The following SKOR1 variants were observed in gnomAD, a reference collection of about 807,000 sequenced individuals.
The protein encoded by SKOR1 is SKI family transcriptional corepressor 1.
SKOR1 carries 38 observed loss-of-function variants against 72.4 expected under a neutral mutation model. The ratio of observed to expected loss-of-function variants is 0.52; its 90% CI spans 0.40 to 0.69. SKOR1 has a LOEUF of 0.69. Ranked by LOEUF, SKOR1 falls within the 30% of genes least tolerant of loss-of-function variation. The pLI is 0.00. For missense variants in SKOR1, 1,320 were observed against 1,343.2 expected, an observed-to-expected ratio of 0.98 and a Z score of 0.27; for synonymous variants, 642 against 599.4, an observed-to-expected ratio of 1.07 and a Z score of -1.04.
Position 67,829,191 on chromosome 15 carries a change from G to A in SKOR1, c.2329G>A (p.Glu777Lys). The A allele has an allele frequency of 1.7e-5, 26 of 1,566,892 alleles. No homozygotes were observed. Among genetic ancestry groups the A allele is most frequent in the Non-Finnish European group, 2.1e-5 (24 of 1,163,122 alleles). ...GPAPAKVFAP[E>K]RDEHVKSAAV... ...TCGGCCGTCGCAGGTGTTCGCGCCCGAGAGGGATGAGCACGTGAAGAGCGC... is the reference window on the plus strand; with the variant it reads ...TCGGCCGTCGCAGGTGTTCGCGCCCAAGAGGGATGAGCACGTGAAGAGCGC... The change falls in exon 3 of 9, where the codon GAG becomes AAG. Residue 777 changes from glutamate to lysine, a missense_variant. Around this residue, in one of 3 missense-constraint regions of SKOR1, gnomAD observed 1,099 missense variants for 1,025.5 expected, o/e 1.07. Transcript: ENST00000380035.
rs1321059888 is a variant in SKOR1 at position 67,827,106 on chromosome 15, G to A, written c.1278G>A (p.Gly426=). Residue 426 remains glycine (G), a synonymous_variant, in exon 2 of 9, where the codon GGG becomes GGA. Coordinates refer to ENST00000380035, the MANE Select transcript of SKOR1 (RefSeq NM_001365915.1). The part of the protein sequence containing the change: ...AGEPKGGPGT[G]SGGGGAGTGG... ...AGCCAAAGGGCGGTCCTGGCACTGGGAGCGGCGGCGGCGGCGCGGGGACAG... is the reference window on the plus strand; with the variant it reads ...AGCCAAAGGGCGGTCCTGGCACTGGAAGCGGCGGCGGCGGCGCGGGGACAG... The A allele has an allele frequency of 2.8e-6, 4 of 1,434,672 alleles. No homozygotes were observed. Among genetic ancestry groups the A allele is most frequent in the Non-Finnish European group, 2.7e-6 (3 of 1,102,806 alleles). 88.9% of individuals were successfully genotyped at this position (1,434,672 alleles called of 1,614,324 possible).
chr15:67,826,394 G>C lies in SKOR1; in HGVS notation c.566G>C (p.Trp189Ser), dbSNP rs2090958664. ...FAFDVVHECA[W>S]GSRGSFIPAR... ...TTCGATGTGGTGCACGAGTGCGCGT[G>C]GGGCTCGCGTGGTAGCTTCATCCCT... The change falls in exon 2 of 9, where the codon TGG becomes TCG. Residue 189 changes from tryptophan to serine, a missense_variant. This residue lies in a region of SKOR1 where 101 missense variants were observed against 212.8 expected (regional missense o/e 0.47). Transcript: ENST00000380035. 6.2e-7 allele frequency: 1 copy of C among 1,613,804 alleles called. No individual in the cohort carries two copies. The highest frequency in any genetic ancestry group is 1.3e-5 in the African/African-American group (1 of 74,952).
Position 67,826,922 on chromosome 15 carries a change from G to GCGGCGC in SKOR1, c.1100_1105dup (p.Ala367_Gly368dup). 1 of 1,564,122 alleles carries GCGGCGC rather than the reference G, an allele frequency of 6.4e-7. No homozygotes were observed. The highest frequency in any genetic ancestry group is 8.6e-7 in the Non-Finnish European group (1 of 1,162,556). Reference sequence around the variant, plus strand: ...CCGGCGGGCCCAGGAGGGCCCGGTGGCGGCGCCGGCGTACGAAGCTACCCG... The same window carrying GCGGCGC: ...CCGGCGGGCCCAGGAGGGCCCGGTGGCGGCGCCGGCGCCGGCGTACGAAGCTACCCG... On this transcript the variant is annotated inframe_insertion, in exon 2 of 9. Coordinates refer to ENST00000380035, the MANE Select transcript of SKOR1 (RefSeq NM_001365915.1).
Position 67,827,906 on chromosome 15 carries a change from A to G in SKOR1, c.2078A>G (p.Gln693Arg), listed in dbSNP as rs763896036. 6.3e-7 allele frequency: 1 copy of G among 1,597,450 alleles called. No homozygotes were observed. Among genetic ancestry groups the G allele is most frequent in the Admixed American group, 1.7e-5 (1 of 57,768 alleles). ...GCAGGGGGCGGCCCAGACGGTGAAC[A>G]GCCCACTGGACCCCCTTCCGCCACC... ...PSAGGGPDGE[Q>R]PTGPPSATSS... The change falls in exon 2 of 9, where the codon CAG (glutamine) becomes CGG (arginine). Residue 693 changes from glutamine to arginine, a missense_variant. By Grantham distance (43) the Gln-to-Arg change is conservative (BLOSUM62 1). Around this residue, in one of 3 missense-constraint regions of SKOR1, gnomAD observed 1,099 missense variants for 1,025.5 expected, o/e 1.07. Transcript: ENST00000380035.
At position 67,825,527 on chromosome 15, in the gene SKOR1, C is replaced by G; in HGVS notation, c.-76C>G. 1.5e-6 allele frequency: 1 copy of G among 683,216 alleles called. No homozygotes were observed. Among genetic ancestry groups the G allele is most frequent in the Non-Finnish European group, 2.7e-6 (1 of 366,234 alleles). The allele number at this position is 683,216 out of a possible 1,614,324, so 42.3% of individuals were successfully genotyped here. A position where few individuals can be genotyped will look rare whatever the true frequency, so the allele number is the denominator to read the frequency against. On this transcript the variant is annotated 5_prime_UTR_variant, in exon 1 of 9. Coordinates refer to ENST00000380035, the MANE Select transcript of SKOR1 (RefSeq NM_001365915.1). The surrounding 1 kb of genome is among the most constrained non-coding windows in gnomAD (Gnocchi z 5.6). Reference sequence around the variant, plus strand: ...GATCCCCGAAGTCCGGGCTTCAGGACCCGGGCCGGCAGCACCGGCTGCGAG... The same window carrying G: ...GATCCCCGAAGTCCGGGCTTCAGGAGCCGGGCCGGCAGCACCGGCTGCGAG...
At position 67,826,886 on chromosome 15, in the gene SKOR1, G is replaced by A. The variant is rs1191828287; in HGVS notation, c.1058G>A (p.Gly353Glu). The change falls in exon 2 of 9, where the codon GGA becomes GAA. Residue 353 changes from glycine (G) to glutamate (E), a missense_variant. This residue lies in a region of SKOR1 where 1,099 missense variants were observed against 1,025.5 expected (regional missense o/e 1.07). Coordinates refer to ENST00000380035, the MANE Select transcript of SKOR1 (RefSeq NM_001365915.1). ...CAGCGCGGACTTGGCCTGGCGACTGGAGCTAGTGGCCCGGCGGGCCCAGGA... is the reference window on the plus strand; with the variant it reads ...CAGCGCGGACTTGGCCTGGCGACTGAAGCTAGTGGCCCGGCGGGCCCAGGA... ...HPQRGLGLAT[G>E]ASGPAGPGGP... The A allele has an allele frequency of 7.1e-6, 11 of 1,547,990 alleles. No homozygotes were observed. In the South Asian group the frequency reaches 9.4e-5, roughly 13 times the overall value.
At chr15:67,828,251 G>T (rs1048130763) in intron 2 of SKOR1, 107 bp downstream of exon 2, 32 of 1,350,930 alleles carry the variant, frequency 2.4e-5, no homozygotes, top group Non-Finnish European at 3.0e-5. Context: ...GCAGGCGTGG[G>T]AGCAGCAGGC....
rs758283495 is a variant in SKOR1, at chr15:67,830,879, C to T, written c.2577C>T (p.Asn859=). ...ATTTGGTGGAGAAAGATATCGAGAA[C>T]CTGGCCAGAGGTGAGGATAAATTTG... ...GTHLVEKDIE[N]LAREELQKLL... Residue 859 remains asparagine, a synonymous_variant, in exon 5 of 9, where the codon AAC becomes AAT. Transcript: ENST00000380035. The T allele has an allele frequency of 1.3e-5, 21 of 1,613,954 alleles. No individual in the cohort carries two copies. The highest frequency in any genetic ancestry group is 7.7e-5 in the South Asian group (7 of 91,078).
Position 67,825,945 on chromosome 15 carries a change from C to T in SKOR1, c.117C>T (p.Gly39=), listed in dbSNP as rs761440496. The stretch of plus-strand genomic sequence containing the variant: ...TTTCTCTATTTCGCAGGAGCGGCGG[C>T]ATGGAGGCTCTCACCACTCAGCTGG... ...LAARAFLRSG[G]MEALTTQLGP... is the part of the protein sequence containing the mutation. Residue 39 remains glycine, a synonymous_variant, in exon 2 of 9, where the codon GGC becomes GGT. Transcript: ENST00000380035. This position sits in a 1 kb window ranked among gnomAD's most constrained non-coding sequence, Gnocchi z 5.6. 1 of 1,516,020 alleles carries T rather than the reference C, an allele frequency of 6.6e-7. No individual in the cohort carries two copies. 93.9% of individuals were successfully genotyped at this position (1,516,020 alleles called of 1,614,324 possible).
rs2091015507 is a variant in SKOR1, at chr15:67,832,435, G to A, written c.2662+87G>A. On this transcript the variant is annotated intron_variant, in intron 6 of 8. Coordinates refer to ENST00000380035, the MANE Select transcript of SKOR1 (RefSeq NM_001365915.1). The surrounding 1 kb of genome is among the most constrained non-coding windows in gnomAD (Gnocchi z 4.5). Reference sequence around the variant, plus strand: ...ACCTACTCCGAAAGCCGGGTGCCAGGCAACTGGTACTAGGTGCCCTGCAGG... The same window carrying A: ...ACCTACTCCGAAAGCCGGGTGCCAGACAACTGGTACTAGGTGCCCTGCAGG... 1.4e-6 allele frequency: 2 copies of A among 1,470,820 alleles called. No individual in the cohort carries two copies. The highest frequency in any genetic ancestry group is 2.3e-5 in the East Asian group (1 of 44,314). 91.1% of individuals were successfully genotyped at this position (1,470,820 alleles called of 1,614,324 possible).
At position 67,827,408 on chromosome 15, in the gene SKOR1, C is replaced by T. The variant is rs1168631613; in HGVS notation, c.1580C>T (p.Ala527Val). The T allele has an allele frequency of 3.9e-6, 6 of 1,527,212 alleles. No homozygotes were observed. Among genetic ancestry groups the T allele is most frequent in the Non-Finnish European group, 5.2e-6 (6 of 1,144,448 alleles). The allele number at this position is 1,527,212 out of a possible 1,614,324, so 94.6% of individuals were successfully genotyped here. ...VAAAAAAAAA[A>V]AGSGAPEPLD... ...GCGGCAGCGGCGGCGGCAGCGGCAG[C>T]TGCTGGCAGCGGTGCCCCAGAGCCC... The change falls in exon 2 of 9, where the codon GCT (alanine) becomes GTT (valine). Residue 527 changes from alanine (A) to valine (V), a missense_variant. Ala to Val is a moderately conservative substitution (Grantham distance 64, BLOSUM62 0). Coordinates refer to ENST00000380035, the MANE Select transcript of SKOR1 (RefSeq NM_001365915.1).
Position 67,826,665 on chromosome 15 carries a change from C to A in SKOR1, c.837C>A (p.Thr279=). Residue 279 remains threonine, a synonymous_variant, in exon 2 of 9, where the codon ACC becomes ACA. Transcript: ENST00000380035. ...AMFNGGTRKR[T]FSLQGGGGGG... ...TTAATGGCGGCACGCGCAAGCGGAC[C>A]TTCTCCCTACAAGGAGGCGGCGGAG... 6.2e-7 allele frequency: 1 copy of A among 1,600,388 alleles called. No homozygotes were observed. Among genetic ancestry groups the A allele is most frequent in the Non-Finnish European group, 8.5e-7 (1 of 1,173,642 alleles).
chr15:67,832,626 G>T lies in SKOR1; in HGVS notation c.2682G>T (p.Met894Ile). Residue 894 changes from methionine (M) to isoleucine (I), a missense_variant, in exon 7 of 9, where the codon ATG becomes ATT. Physicochemically the swap from Met to Ile is conservative, Grantham distance 10. Transcript: ENST00000380035. This position sits in a 1 kb window ranked among gnomAD's most constrained non-coding sequence, Gnocchi z 4.5. ...QSLKDNFQDQ[M>I]KRELAYREEM... ...GCACAGATAATTTTCAGGATCAAAT[G>T]AAGAGGGAATTGGCTTATCGAGAAG... The T allele has an allele frequency of 6.2e-7, 1 of 1,614,102 alleles. No homozygotes were observed. Among genetic ancestry groups the T allele is most frequent in the Non-Finnish European group, 8.5e-7 (1 of 1,180,004 alleles).
rs1300692674 is a variant in SKOR1 at position 67,826,689 on chromosome 15, A to AGGCGGTGCC, written c.862_870dup (p.Gly288_Ala290dup). The AGGCGGTGCC allele has an allele frequency of 6.4e-7, 1 of 1,554,384 alleles. No individual in the cohort carries two copies. Among genetic ancestry groups the AGGCGGTGCC allele is most frequent in the Admixed American group, 1.8e-5 (1 of 54,460 alleles). On this transcript the variant is annotated inframe_insertion, in exon 2 of 9. Transcript: ENST00000380035. Reference sequence around the variant, plus strand: ...CCTTCTCCCTACAAGGAGGCGGCGGAGGCGGTGCCAATGGCGGGTCGGGTG... The same window carrying AGGCGGTGCC: ...CCTTCTCCCTACAAGGAGGCGGCGGAGGCGGTGCCGGCGGTGCCAATGGCGGGTCGGGTG...
Position 67,827,643 on chromosome 15 carries a change from C to T in SKOR1, c.1815C>T (p.Ile605=), listed in dbSNP as rs577799831. The change falls in exon 2 of 9, where the codon ATC becomes ATT. Residue 605 remains isoleucine (I), a synonymous_variant. Transcript: ENST00000380035. ...FRPVVKDTES[I]AKLYGSAREA... The stretch of plus-strand genomic sequence containing the variant: ...CGGTGGTCAAGGACACCGAGAGCAT[C>T]GCTAAGCTCTACGGGAGCGCCCGGG... 1.9e-4 allele frequency: 285 copies of T among 1,532,486 alleles called. No individual in the cohort carries two copies. In the African/African-American group the frequency reaches 3.6e-3, roughly 19 times the overall value. 94.9% of individuals were successfully genotyped at this position (1,532,486 alleles called of 1,614,324 possible).
chr15:67,834,166 C>T lies in SKOR1; in HGVS notation c.*330C>T, dbSNP rs2091030754. On this transcript the variant is annotated 3_prime_UTR_variant, in exon 9 of 9. Coordinates refer to ENST00000380035, the MANE Select transcript of SKOR1 (RefSeq NM_001365915.1). The surrounding 1 kb of genome is among the most constrained non-coding windows in gnomAD (Gnocchi z 5.8). Reference sequence around the variant, plus strand: ...GAGAGCGCCCCCTCCCATTGTATAGCCTTGAACCCGATTGTGAATACAATG... The same window carrying T: ...GAGAGCGCCCCCTCCCATTGTATAGTCTTGAACCCGATTGTGAATACAATG... 2 of 408,468 alleles carry T rather than the reference C, an allele frequency of 4.9e-6. No homozygotes were observed. Among genetic ancestry groups the T allele is most frequent in the African/African-American group, 2.0e-5 (1 of 49,246 alleles). The allele number at this position is 408,468 out of a possible 1,614,324, so 25.3% of individuals were successfully genotyped here. A position where few individuals can be genotyped will look rare whatever the true frequency, so the allele number is the denominator to read the frequency against.
intron 2 of SKOR1, among the ~76,000 whole-genome samples, chr15:67,828,789 G>A (rs1043393702): frequency 6.6e-6 from 1 of 152,204 alleles, no homozygotes; most frequent in African/African-American, 2.4e-5. Context: ...CATTTTGAAA[G>A]TGAGTGCGCA....
At chr15:67,828,749 G>A (rs1039107589) in intron 2 of SKOR1, among the ~76,000 whole-genome samples, 1 of 152,264 alleles carries the variant, frequency 6.6e-6, no homozygotes, top group Middle Eastern at 3.4e-3. Context: ...GGCTTGAGGG[G>A]CAGGATGCAG....
chr15:67,829,010 A>G (rs2090987477), intron 2 of SKOR1, among the ~76,000 whole-genome samples, 169 bp from the exon 3 acceptor site: 1 of 151,948 alleles, frequency 6.6e-6, no homozygotes, highest in Non-Finnish European at 1.5e-5. Flanking sequence ...CTGAATCTAC[A>G]AGGGGGCAAG....
Sources: allele counts gnomAD v4.1 joint callset (sites outside exome capture counted in the v4.1 genomes callset), GRCh38; gene constraint gnomAD v4.1.1; regional missense constraint gnomAD v4.1.1; non-coding constraint Gnocchi (gnomAD v3.1); transcripts MANE v1.5; gene names NCBI Gene and HGNC (gene_info 2026-07-23, HGNC 2026-07-21).